The following BRINP3 variants were observed in gnomAD, a reference collection of about 807,000 sequenced individuals.
BRINP3 encodes the protein BMP/retinoic acid inducible neural specific 3, also known as BMP/retinoic acid-inducible neural-specific protein 3.
Under a neutral mutation model 71.0 loss-of-function variants are expected in BRINP3, and 19 were observed. The observed-to-expected ratio is 0.27, with a 90% CI of 0.19 to 0.39. BRINP3 has a LOEUF of 0.39. BRINP3 is among the 10% of genes least tolerant of loss of function. The pLI is 1.00. For missense variants in BRINP3, 959 were observed against 940.8 expected (o/e 1.02, Z -0.25); for synonymous variants, 380 against 337.7 (o/e 1.13, Z -1.37).
chr1:190,451,197 A>T (rs560961841), intron 2 of BRINP3, among the ~76,000 whole-genome samples: 9 of 151,406 alleles, frequency 5.9e-5, no homozygotes, highest in East Asian at 1.9e-4. Flanking sequence ...GAAAAAAAAA[A>T]TTTTTGTTTT....
chr1:190,243,131 C>A (rs1659268674), intron 4 of BRINP3, among the ~76,000 whole-genome samples: 1 of 152,064 alleles, frequency 6.6e-6, no homozygotes, highest in Non-Finnish European at 1.5e-5. Context: ...GACTAGACAA[C>A]AGAAGTTTTC....
chr1:190,427,813 G>T (rs1673819020), intron 2 of BRINP3, among the ~76,000 whole-genome samples: 1 of 150,512 alleles, frequency 6.6e-6, no homozygotes, highest in South Asian at 2.1e-4. Flanking sequence ...ATGGGGATTT[G>T]TTGTACCAAT....
At chr1:190,340,437 T>C (rs1667579980) in intron 2 of BRINP3, among the ~76,000 whole-genome samples, 1 of 151,902 alleles carries the variant, frequency 6.6e-6, no homozygotes, top group African/African-American at 2.4e-5. Flanking sequence ...GCTCAGTATA[T>C]ACTCTTCCTT....
At chr1:190,133,692 G>A (rs1218511075) in intron 7 of BRINP3, among the ~76,000 whole-genome samples, 1 of 151,972 alleles carries the variant, frequency 6.6e-6, no homozygotes, top group Non-Finnish European at 1.5e-5. Context: ...AATACAAATT[G>A]AATATGCATA....
rs1654052881 is a variant in BRINP3 at position 190,125,958 on chromosome 1, C to T, written c.1185-26824G>A. 1.3e-5 allele frequency among the ~76,000 whole-genome samples: 2 copies of T among 151,540 alleles called. 1 individual carries two copies. Among genetic ancestry groups the T allele is most frequent in the South Asian group, 4.1e-4 (2 of 4,820 alleles). ...AGAACCACAGCTAAAAGGAAACTAG[C>T]CCTCTAACACTGTGAATACCAGCTA... On this transcript the variant is annotated intron_variant, in intron 7 of 7. Coordinates refer to ENST00000367462, the MANE Select transcript of BRINP3 (RefSeq NM_199051.3).
intron 4 of BRINP3, 115 bp downstream of exon 4, chr1:190,264,750 T>C: frequency 1.3e-6 from 1 of 758,364 alleles, no homozygotes; most frequent in Non-Finnish European, 2.0e-6. Context: ...TGTAAATATA[T>C]TTTTATAAAA....
chr1:190,471,609 A>G (rs927556896), intron 1 of BRINP3, among the ~76,000 whole-genome samples: 5 of 151,446 alleles, frequency 3.3e-5, no homozygotes, highest in African/African-American at 1.2e-4. Context: ...AGTAAACTTT[A>G]TATGAGTTTG....
chr1:190,347,908 CA>C (rs1248373421), intron 2 of BRINP3, among the ~76,000 whole-genome samples: 1 of 151,912 alleles, frequency 6.6e-6, no homozygotes. Context: ...AGCTAGATCA[CA>C]AAGTAAAGAA....
chr1:190,369,572 TATA>T (rs1379738528), intron 2 of BRINP3, among the ~76,000 whole-genome samples: 2 of 152,086 alleles, frequency 1.3e-5, no homozygotes, highest in African/African-American at 4.8e-5. Flanking sequence ...TCTCTGAGTA[TATA>T]ATGACAAAAC....
chr1:190,175,856 C>A (rs575217516), intron 6 of BRINP3, among the ~76,000 whole-genome samples: 10 of 152,216 alleles, frequency 6.6e-5, no homozygotes, highest in African/African-American at 2.4e-4. Context: ...CAATTTATTT[C>A]TTTCTCACAT....
At chr1:190,331,208 T>G (rs773365595) in intron 2 of BRINP3, among the ~76,000 whole-genome samples, 47 of 152,144 alleles carry the variant, frequency 3.1e-4, no homozygotes, top group African/African-American at 1.1e-3. Flanking sequence ...TATAGCCTAT[T>G]AAGTTTTGAA....
intron 2 of BRINP3, among the ~76,000 whole-genome samples, chr1:190,406,616 G>A (rs2102386468): frequency 6.6e-6 from 1 of 152,110 alleles, no homozygotes; most frequent in Admixed American, 6.5e-5. Context: ...TTTAAAATAG[G>A]CAAGCATTTG....
intron 6 of BRINP3, among the ~76,000 whole-genome samples, chr1:190,218,927 C>T (rs1241695842): frequency 6.6e-6 from 1 of 152,048 alleles, no homozygotes; most frequent in Admixed American, 6.6e-5. Context: ...TTTGTTGAAG[C>T]CATCATTGTG....
intron 2 of BRINP3, among the ~76,000 whole-genome samples, chr1:190,366,218 C>T (rs1196535455): frequency 6.6e-6 from 1 of 152,124 alleles, no homozygotes; most frequent in East Asian, 1.9e-4. Flanking sequence ...AATCACAGTT[C>T]TGCAGGGCTG....
intron 7 of BRINP3, among the ~76,000 whole-genome samples, chr1:190,102,268 G>T (rs35388108): frequency 0.26 from 39,989 of 152,028 alleles, 6,195 homozygotes; most frequent in Non-Finnish European, 0.36. Context: ...TCACATAGGT[G>T]GTTCCCCCAC....
intron 2 of BRINP3, among the ~76,000 whole-genome samples, chr1:190,311,808 G>A (rs1665540479): frequency 6.7e-6 from 1 of 150,322 alleles, no homozygotes; most frequent in Non-Finnish European, 1.5e-5. Flanking sequence ...AGAGAGTGGA[G>A]AAATAAAACA....
chr1:190,310,199 A>G (rs1665417587), intron 2 of BRINP3, among the ~76,000 whole-genome samples: 1 of 151,578 alleles, frequency 6.6e-6, no homozygotes, highest in African/African-American at 2.4e-5. Flanking sequence ...CAGATAAGGA[A>G]GAGGATTATG....
intron 7 of BRINP3, among the ~76,000 whole-genome samples, chr1:190,117,134 G>A (rs1478194027): frequency 6.6e-6 from 1 of 152,018 alleles, no homozygotes; most frequent in African/African-American, 2.4e-5. Context: ...TTGTTAGAGA[G>A]AATGTCTCAT....
At chr1:190,105,582 A>G (rs1364983260) in intron 7 of BRINP3, among the ~76,000 whole-genome samples, 1 of 152,072 alleles carries the variant, frequency 6.6e-6, no homozygotes, top group East Asian at 1.9e-4. Flanking sequence ...AATAACTAGA[A>G]CCTGTCCAAG....
Sources: gnomAD v4.1 joint callset for allele counts (sites outside exome capture counted in the v4.1 genomes callset) on GRCh38, gnomAD v4.1.1 for gene constraint, MANE v1.5 for transcripts, NCBI Gene and HGNC (gene_info 2026-07-23, HGNC 2026-07-21) for gene names.